The following SLC47A1 variants were observed in gnomAD, a reference collection of about 807,000 sequenced individuals.
SLC47A1 encodes the protein multidrug and toxin extrusion protein 1.
In SLC47A1, 58 loss-of-function variants were observed where a neutral mutation model predicts 65.8. The observed-to-expected ratio is 0.88, with a 90% confidence interval of 0.71 to 1.10. SLC47A1 has a LOEUF of 1.10. Among genes scored for constraint, SLC47A1 ranks in the 50% least tolerant of loss-of-function variants. SLC47A1 has a pLI of 0.00. For missense variants in SLC47A1, 706 were observed against 719.2 expected (o/e 0.98, Z 0.21); for synonymous variants, 285 against 295.0 (o/e 0.97, Z 0.35).
intron 10 of SLC47A1, among the ~76,000 whole-genome samples, chr17:19,556,595 G>A (rs1364742742): frequency 7.3e-6 from 1 of 137,840 alleles, no homozygotes; most frequent in African/African-American, 2.7e-5. Flanking sequence ...TCCCACTCTT[G>A]TTGCCCTGGC....
chr17:19,568,493 T>TTA (rs2152316936), intron 14 of SLC47A1, among the ~76,000 whole-genome samples: 1 of 152,324 alleles, frequency 6.6e-6, no homozygotes, highest in Non-Finnish European at 1.5e-5. Context: ...CAGTATAAAA[T>TTA]ATTAAGGAAA....
At chr17:19,562,911 G>A (rs2084324545) in intron 12 of SLC47A1, among the ~76,000 whole-genome samples, 1 of 152,000 alleles carries the variant, frequency 6.6e-6, no homozygotes, top group Non-Finnish European at 1.5e-5. Context: ...TAATCACAGG[G>A]GGCGGGAAAC....
In SLC47A1 at chr17:19,560,453, A is replaced by G. The variant is rs1046505565; in HGVS notation, c.1066A>G (p.Ser356Gly). ...FAVAFSVLLL[S>G]CKDHVGYIFT... ...TGTAGCCTTCAGTGTCCTGCTGTTA[A>G]GCTGTAAGGATCACGTGGGGTACAT... Residue 356 changes from serine (S) to glycine (G), a missense_variant, in exon 12 of 17, where the codon AGC (serine) becomes GGC (glycine). Transcript: ENST00000270570. 2.5e-6 allele frequency: 4 copies of G among 1,614,018 alleles called. No homozygotes were observed. Among genetic ancestry groups the G allele is most frequent in the African/African-American group, 1.3e-5 (1 of 74,890 alleles).
intron 14 of SLC47A1, among the ~76,000 whole-genome samples, chr17:19,568,757 GTCT>G (rs2084378133): frequency 1.3e-5 from 2 of 152,008 alleles, no homozygotes; most frequent in Non-Finnish European, 1.5e-5. Context: ...TATTCTTCCT[GTCT>G]ATCAGAAATT....
At chr17:19,564,335 T>C (rs1217927312) in intron 12 of SLC47A1, among the ~76,000 whole-genome samples, 1 of 151,660 alleles carries the variant, frequency 6.6e-6, no homozygotes, top group African/African-American at 2.4e-5. Context: ...TGGGTGACAG[T>C]GAGACCCTGT....
At chr17:19,544,357 C>A (rs1471096260) in intron 2 of SLC47A1, among the ~76,000 whole-genome samples, 3 of 152,234 alleles carry the variant, frequency 2.0e-5, no homozygotes, top group South Asian at 4.1e-4. Flanking sequence ...ATGCACTTAG[C>A]AAGCCTCAGC....
In SLC47A1 at chr17:19,542,339, G is replaced by C. The variant is rs954080051; in HGVS notation, c.136-54G>C. On this transcript the variant is annotated intron_variant, in intron 1 of 16. Coordinates refer to ENST00000270570, the MANE Select transcript of SLC47A1 (RefSeq NM_018242.3). ...GTCGGGGTCACACTTGGGGCCCCAG[G>C]CTTCCCTGCAATGGTGGTCACTCAC... is the stretch of plus-strand genomic sequence containing the variant. 8 of 1,407,840 alleles carry C rather than the reference G, an allele frequency of 5.7e-6. 1 individual carries two copies. The Admixed American group carries it at 9.4e-5, about 17-fold the overall frequency. 87.2% of individuals were successfully genotyped at this position (1,407,840 alleles called of 1,614,324 possible).
At chr17:19,538,311 C>G (rs754801515) in intron 1 of SLC47A1, among the ~76,000 whole-genome samples, 3 of 152,228 alleles carry the variant, frequency 2.0e-5, no homozygotes, top group Non-Finnish European at 4.4e-5. Context: ...AAAACGCTGG[C>G]AACACAGTCC....
At chr17:19,551,130 T>C (rs1916434985) in intron 5 of SLC47A1, among the ~76,000 whole-genome samples, 1 of 152,186 alleles carries the variant, frequency 6.6e-6, no homozygotes, top group Non-Finnish European at 1.5e-5. Flanking sequence ...GGGCCTCCTT[T>C]CCATGCCAGT....
chr17:19,534,404 C>A (rs955726788), intron 1 of SLC47A1: 1 of 263,620 alleles, frequency 3.8e-6, no homozygotes. Context: ...TTGCCCCTAA[C>A]GGGGCTCTAC....
At chr17:19,563,691 A>G (rs1880927241) in intron 12 of SLC47A1, among the ~76,000 whole-genome samples, 2 of 152,092 alleles carry the variant, frequency 1.3e-5, no homozygotes, top group Admixed American at 6.6e-5. Context: ...TCCAAAATAA[A>G]ATGTTATTAG....
intron 6 of SLC47A1, 147 bp from the exon 7 acceptor site, chr17:19,555,065 C>A: frequency 1.4e-6 from 1 of 703,546 alleles, no homozygotes; most frequent in South Asian, 1.6e-5. Flanking sequence ...GCAGGAGCAA[C>A]AAGGACATGA....
chr17:19,534,049 C>T lies in SLC47A1; in HGVS notation c.110C>T (p.Ala37Val). ...TCCGCCTTCCGAGAAGAGCTGCGGGCGCTCTTGGTCCTGGCTGGCCCCGCG... is the reference window on the plus strand; with the variant it reads ...TCCGCCTTCCGAGAAGAGCTGCGGGTGCTCTTGGTCCTGGCTGGCCCCGCG... Reference protein sequence around the residue: ...RLSAFREELRALLVLAGPAFL... With the variant: ...RLSAFREELRVLLVLAGPAFL... The change falls in exon 1 of 17, where the codon GCG becomes GTG. Residue 37 changes from alanine to valine, a missense_variant. Coordinates refer to ENST00000270570, the MANE Select transcript of SLC47A1 (RefSeq NM_018242.3). 6.5e-7 allele frequency: 1 copy of T among 1,546,980 alleles called. No individual in the cohort carries two copies.
In SLC47A1 at chr17:19,577,484, T is replaced by G. The variant is rs756872825; in HGVS notation, c.1644T>G (p.Leu548=). ...SRKQLVLRRG[L]LLLGVFLILL... is the part of the protein sequence containing the mutation. ...AACAGCTGGTGCTGCGGCGAGGGCTTCTGCTCCTGGGGGTCTTCTTAATCT... is the reference window on the plus strand; with the variant it reads ...AACAGCTGGTGCTGCGGCGAGGGCTGCTGCTCCTGGGGGTCTTCTTAATCT... The change falls in exon 17 of 17, where the codon CTT becomes CTG. Residue 548 remains leucine (L), a synonymous_variant. Coordinates refer to ENST00000270570, the MANE Select transcript of SLC47A1 (RefSeq NM_018242.3). 5 of 1,614,030 alleles carry G rather than the reference T, an allele frequency of 3.1e-6. No homozygotes were observed. Among genetic ancestry groups the G allele is most frequent in the Non-Finnish European group, 4.2e-6 (5 of 1,180,034 alleles).
rs955014025 is a variant in SLC47A1, at chr17:19,578,889, A to G, written c.*1336A>G. 2 of 152,162 alleles carry G rather than the reference A, an allele frequency of 1.3e-5. No individual in the cohort carries two copies. The highest frequency in any genetic ancestry group is 3.9e-4 in the East Asian group (2 of 5,178). 9.4% of individuals were successfully genotyped at this position (152,162 alleles called of 1,614,324 possible). On this transcript the variant is annotated 3_prime_UTR_variant, in exon 17 of 17. Coordinates refer to ENST00000270570, the MANE Select transcript of SLC47A1 (RefSeq NM_018242.3). Reference sequence around the variant, plus strand: ...CCCAACACCCTTCCTGGTGCCAATAAACTTTCTCAAAGAGCAATACTGACA... The same window carrying G: ...CCCAACACCCTTCCTGGTGCCAATAGACTTTCTCAAAGAGCAATACTGACA...
chr17:19,549,810 C>A (rs967423761), intron 5 of SLC47A1, 133 bp downstream of exon 5: 1 of 961,160 alleles, frequency 1.0e-6, no homozygotes, highest in Admixed American at 2.0e-5. Context: ...TTCAAGGAAG[C>A]CTGTTTTTAT....
intron 1 of SLC47A1, among the ~76,000 whole-genome samples, chr17:19,536,005 C>T (rs1004960777): frequency 1.3e-5 from 2 of 151,904 alleles, no homozygotes; most frequent in South Asian, 2.1e-4. Context: ...CTTGATCTGT[C>T]GGCCAGGCTG....
chr17:19,568,399 A>G (rs1413272607), intron 14 of SLC47A1, among the ~76,000 whole-genome samples: 1 of 152,248 alleles, frequency 6.6e-6, no homozygotes, highest in Non-Finnish European at 1.5e-5. Flanking sequence ...TAATGCAAAT[A>G]TTATAGAAAT....
In SLC47A1 at chr17:19,534,082, A is replaced by G; in HGVS notation, c.135+8A>G. On this transcript the variant is annotated splice_region_variant and intron_variant, in intron 1 of 16. Transcript: ENST00000270570. ...GTCCTGGCTGGCCCCGCGGTGAGTAAGGTGGCCTCAGTGGCAGGCCGGTAC... is the reference window on the plus strand; with the variant it reads ...GTCCTGGCTGGCCCCGCGGTGAGTAGGGTGGCCTCAGTGGCAGGCCGGTAC... 1 of 1,528,072 alleles carries G rather than the reference A, an allele frequency of 6.5e-7. No homozygotes were observed. The highest frequency in any genetic ancestry group is 8.8e-7 in the Non-Finnish European group (1 of 1,136,706). 94.7% of individuals were successfully genotyped at this position (1,528,072 alleles called of 1,614,324 possible).
Sources: gnomAD v4.1 joint callset for allele counts (sites outside exome capture counted in the v4.1 genomes callset) on GRCh38, gnomAD v4.1.1 for gene constraint, MANE v1.5 for transcripts, NCBI Gene and HGNC (gene_info 2026-07-23, HGNC 2026-07-21) for gene names.